TLN2: variants seen among roughly 807,000 people sequenced by gnomAD.
TLN2 encodes talin 2, also known as talin-2.
Under a neutral mutation model 294.7 loss-of-function variants are expected in TLN2, and 118 were observed. The observed-to-expected ratio is 0.40, with a 90% CI of 0.34 to 0.47. The LOEUF (loss-of-function observed/expected upper bound fraction) is 0.47, where lower values mean the gene tolerates loss of function less well. TLN2 is among the 20% of genes least tolerant of loss of function. The probability of loss-of-function intolerance (pLI) is 0.84; values close to 1 mark genes in which losing one functional copy is unlikely to be tolerated. For synonymous variants in TLN2, 1,431 were observed against 1,304.5 expected (o/e 1.10, Z -2.09); for missense variants, 3,083 against 3,282.2 (o/e 0.94, Z 1.48).
At chr15:62,817,647 G>T (rs1426316188) in intron 52 of TLN2, among the ~76,000 whole-genome samples, 1 of 152,056 alleles carries the variant, frequency 6.6e-6, no homozygotes, top group African/African-American at 2.4e-5. Context: ...GTGCAAAGGG[G>T]TTAGTCCTGG....
chr15:62,574,480 C>G (rs1282063371), intron 1 of TLN2, among the ~76,000 whole-genome samples: 1 of 145,786 alleles, frequency 6.9e-6, no homozygotes, highest in Non-Finnish European at 1.5e-5. Flanking sequence ...ACTCAGGAGA[C>G]TAAGGTGGGA....
At chr15:62,838,829 A>AC (rs1567723448) in intron 57 of TLN2, 27 bp from the exon 58 acceptor site, 2 of 1,605,796 alleles carry the variant, frequency 1.2e-6, no homozygotes, top group Admixed American at 3.4e-5. Context: ...TTCTAATGAT[A>AC]TAATGTATGT....
At chr15:62,426,643 G>T (rs2034729731) in intron 1 of TLN2, among the ~76,000 whole-genome samples, 1 of 152,230 alleles carries the variant, frequency 6.6e-6, no homozygotes, top group Non-Finnish European at 1.5e-5. Flanking sequence ...GGGGCCCCGG[G>T]TGTGCTGGGA....
chr15:62,646,913 C>G (rs1324665620), intron 3 of TLN2, among the ~76,000 whole-genome samples: 1 of 152,170 alleles, frequency 6.6e-6, no homozygotes, highest in Middle Eastern at 3.2e-3. Flanking sequence ...GGCTCTCTGC[C>G]TCTTGCCTTG....
chr15:62,555,214 T>C (rs954120235), intron 1 of TLN2, among the ~76,000 whole-genome samples: 1 of 152,184 alleles, frequency 6.6e-6, no homozygotes, highest in Non-Finnish European at 1.5e-5. Flanking sequence ...ATATTTCAGA[T>C]AGTTGTCCAT....
At chr15:62,440,000 C>T (rs1314284426) in intron 1 of TLN2, among the ~76,000 whole-genome samples, 1 of 152,190 alleles carries the variant, frequency 6.6e-6, no homozygotes, top group African/African-American at 2.4e-5. Flanking sequence ...AGGGCAGTGA[C>T]TGGATTTTAG....
chr15:62,709,476 C>A (rs1029300464), intron 21 of TLN2, among the ~76,000 whole-genome samples: 3 of 152,178 alleles, frequency 2.0e-5, no homozygotes, highest in Non-Finnish European at 4.4e-5. Context: ...ATATCAAAGA[C>A]ACGTTCCCTG....
intron 1 of TLN2, among the ~76,000 whole-genome samples, chr15:62,417,713 A>G (rs2034167593): frequency 6.6e-6 from 1 of 152,192 alleles, no homozygotes; most frequent in Non-Finnish European, 1.5e-5. Flanking sequence ...CTGGTGGTAG[A>G]GATTACGTAC....
intron 30 of TLN2, 32 bp downstream of exon 30, chr15:62,738,365 G>A: frequency 1.2e-6 from 2 of 1,612,066 alleles, no homozygotes; most frequent in South Asian, 1.1e-5. Flanking sequence ...AAAGGACACT[G>A]GGGGACTAGG....
At position 62,722,342 on chromosome 15, in the gene TLN2, T is replaced by C; in HGVS notation, c.2992-11T>C. The C allele has an allele frequency of 6.3e-7, 1 of 1,596,348 alleles. No homozygotes were observed. Among genetic ancestry groups the C allele is most frequent in the African/African-American group, 1.3e-5 (1 of 74,758 alleles). On this transcript the variant is annotated splice_polypyrimidine_tract_variant and intron_variant, in intron 25 of 58. Transcript: ENST00000636159. The stretch of plus-strand genomic sequence containing the variant: ...CAGGAGCCATCTTACTTTCTTTTCA[T>C]CTCTCTATAGCCTGGAAGCAAGATG...
intron 54 of TLN2, among the ~76,000 whole-genome samples, chr15:62,825,318 C>T (rs934267476): frequency 6.6e-6 from 1 of 152,144 alleles, no homozygotes; most frequent in Non-Finnish European, 1.5e-5. Context: ...CAAAGAAAAA[C>T]ATGGTTTCAA....
At chr15:62,825,793 A>ATTAT (rs71131130) in intron 54 of TLN2, among the ~76,000 whole-genome samples, 4 of 9,384 alleles carry the variant, frequency 4.3e-4, no homozygotes, top group African/African-American at 9.2e-4. Context: ...TATATATTAT[A>ATTAT]ATATATATTA....
intron 1 of TLN2, among the ~76,000 whole-genome samples, chr15:62,494,968 G>C (rs1193643183): frequency 6.6e-6 from 1 of 152,150 alleles, no homozygotes; most frequent in African/African-American, 2.4e-5. Context: ...TTCTGTTACT[G>C]AGAAGGCAAT....
At chr15:62,799,262 C>A (rs559465352) in intron 48 of TLN2, among the ~76,000 whole-genome samples, 3 of 152,148 alleles carry the variant, frequency 2.0e-5, no homozygotes, top group African/African-American at 7.2e-5. Context: ...AAGGCAGTGG[C>A]GAGGAGTAAA....
chr15:62,465,485 A>G (rs1349968711), intron 1 of TLN2, among the ~76,000 whole-genome samples: 1 of 152,178 alleles, frequency 6.6e-6, no homozygotes, highest in East Asian at 1.9e-4. Context: ...AACATTTTAC[A>G]TGTAAAACAG....
chr15:62,830,514 CT>C (rs1217822980), intron 54 of TLN2: 1 of 152,180 alleles, frequency 6.6e-6, no homozygotes, highest in African/African-American at 2.4e-5. Context: ...AGTGTGTGTC[CT>C]TCCTACCTTC....
At chr15:62,403,502 G>A (rs2033171460) in intron 1 of TLN2, among the ~76,000 whole-genome samples, 1 of 152,134 alleles carries the variant, frequency 6.6e-6, no homozygotes, top group African/African-American at 2.4e-5. Flanking sequence ...CGAAGTGTTG[G>A]GATTACAGGC....
Position 62,771,216 on chromosome 15 carries a change from G to A in TLN2, c.5367+82G>A, listed in dbSNP as rs747709425. 8.6e-6 allele frequency: 12 copies of A among 1,400,156 alleles called. No individual in the cohort carries two copies. The African/African-American group carries it at 1.4e-4, about 17-fold the overall frequency. 86.7% of individuals were successfully genotyped at this position (1,400,156 alleles called of 1,614,324 possible). On this transcript the variant is annotated intron_variant, in intron 42 of 58. Transcript: ENST00000636159. The stretch of plus-strand genomic sequence containing the variant: ...CCTGCTGTAATGTGTCCTTCCAGGA[G>A]AAAACACTTCCAGTTCTTGCTGGTG...
chr15:62,777,059 C>A, intron 43 of TLN2, 149 bp downstream of exon 43: 2 of 660,620 alleles, frequency 3.0e-6, no homozygotes, highest in Non-Finnish European at 4.4e-6. Context: ...GTCACATGTC[C>A]AACATATTAT....
Sources: allele counts gnomAD v4.1 joint callset (sites outside exome capture counted in the v4.1 genomes callset), GRCh38; gene constraint gnomAD v4.1.1; transcripts MANE v1.5; gene names NCBI Gene and HGNC (gene_info 2026-07-23, HGNC 2026-07-21).